Variants in ACSBG2 observed in about 807,000 individuals in gnomAD.
ACSBG2 encodes long-chain-fatty-acid--CoA ligase ACSBG2.
ACSBG2 carries 62 observed loss-of-function variants against 74.7 expected under a neutral mutation model. The observed-to-expected ratio is 0.83, with a 90% CI of 0.68 to 1.03. ACSBG2 has a LOEUF of 1.03. ACSBG2 is among the 50% of genes least tolerant of loss of function. The pLI is 0.00. For synonymous variants in ACSBG2, 309 were observed against 294.1 expected (o/e 1.05, Z -0.52); for missense variants, 730 against 817.6 (o/e 0.89, Z 1.31).
intron 8 of ACSBG2, among the ~76,000 whole-genome samples, chr19:6,181,299 G>A (rs2090246518): frequency 7.0e-6 from 1 of 143,254 alleles, no homozygotes; most frequent in South Asian, 2.3e-4. Context: ...GGGGAGGGGA[G>A]AAAGAAGGAA....
chr19:6,161,148 A>C, intron 5 of ACSBG2, 67 bp from the exon 6 acceptor site: 1 of 1,371,656 alleles, frequency 7.3e-7, no homozygotes, highest in Admixed American at 1.8e-5. Flanking sequence ...TACTTAGGAC[A>C]TCTAACCCAG....
At chr19:6,153,734 A>T (rs1490796624) in intron 4 of ACSBG2, among the ~76,000 whole-genome samples, 1 of 151,924 alleles carries the variant, frequency 6.6e-6, no homozygotes, top group African/African-American at 2.4e-5. Flanking sequence ...TGTAGTCCCA[A>T]CTACTTGGGA....
intron 8 of ACSBG2, among the ~76,000 whole-genome samples, chr19:6,178,658 A>G (rs2090156594): frequency 6.6e-6 from 1 of 152,176 alleles, no homozygotes. Context: ...TACAGGCATG[A>G]GCCACTGCAC....
intron 7 of ACSBG2, among the ~76,000 whole-genome samples, chr19:6,170,186 T>A (rs1203298867): frequency 6.6e-6 from 1 of 152,218 alleles, no homozygotes; most frequent in African/African-American, 2.4e-5. Context: ...TGCTTCCAAC[T>A]TTTCCCCTTC....
intron 5 of ACSBG2, among the ~76,000 whole-genome samples, chr19:6,158,160 A>T (rs2089486450): frequency 6.7e-6 from 1 of 150,010 alleles, no homozygotes; most frequent in African/African-American, 2.5e-5. Context: ...GGTTCACGTC[A>T]TTCTCCTGCC....
chr19:6,157,739 G>A (rs760140341), intron 5 of ACSBG2, among the ~76,000 whole-genome samples: 2 of 151,864 alleles, frequency 1.3e-5, no homozygotes, highest in Non-Finnish European at 2.9e-5. Flanking sequence ...TTAAGTAAAA[G>A]TATTAATATA....
chr19:6,159,770 C>T lies in ACSBG2; in HGVS notation c.508-1445C>T, dbSNP rs79626350. 2.0e-3 allele frequency among the ~76,000 whole-genome samples: 298 copies of T among 152,238 alleles called. 1 individual carries two copies. Among genetic ancestry groups the T allele is most frequent in the African/African-American group, 6.4e-3 (265 of 41,550 alleles). ...CTCCTCATCTTTGCCTCCAAGGCTCCGCTGATCTGGGCCTCACCATTCTTT... is the reference window on the plus strand; with the variant it reads ...CTCCTCATCTTTGCCTCCAAGGCTCTGCTGATCTGGGCCTCACCATTCTTT... On this transcript the variant is annotated intron_variant, in intron 5 of 14. Transcript: ENST00000588485.
chr19:6,141,635 G>A (rs1568214989), intron 2 of ACSBG2, 25 bp downstream of exon 2: 1 of 1,428,024 alleles, frequency 7.0e-7, no homozygotes, highest in Non-Finnish European at 9.9e-7. Context: ...AGAGTACGTG[G>A]GAGAGAGAGT....
intron 14 of ACSBG2, 54 bp downstream of exon 14, chr19:6,190,746 G>A (rs2090538031): frequency 8.6e-7 from 1 of 1,168,782 alleles, no homozygotes; most frequent in Non-Finnish European, 1.3e-6. Flanking sequence ...TCCAAGAGAG[G>A]GCTCCACTGT....
At chr19:6,179,163 T>G (rs1320976681) in intron 8 of ACSBG2, among the ~76,000 whole-genome samples, 1 of 152,224 alleles carries the variant, frequency 6.6e-6, no homozygotes. Context: ...TTCCCACTCC[T>G]GGGTTGGATC....
At chr19:6,151,599 C>T (rs2089241769) in intron 3 of ACSBG2, 108 bp from the exon 4 acceptor site, 2 of 1,079,722 alleles carry the variant, frequency 1.9e-6, no homozygotes, top group South Asian at 1.4e-5. Context: ...GTGTGAGCCA[C>T]TGCGCCTGGC....
intron 3 of ACSBG2, among the ~76,000 whole-genome samples, chr19:6,151,008 G>A (rs905035612): frequency 7.3e-5 from 11 of 151,510 alleles, no homozygotes; most frequent in Admixed American, 2.6e-4. Context: ...CAGCTACTTC[G>A]GAGGCTGAGG....
intron 2 of ACSBG2, among the ~76,000 whole-genome samples, chr19:6,147,106 A>AAAAG (rs1020740182): frequency 1.3e-5 from 2 of 152,128 alleles, no homozygotes; most frequent in African/African-American, 4.8e-5. Context: ...TCTCCAGAAA[A>AAAAG]AAAGAAAGAA....
chr19:6,156,535 T>A lies in ACSBG2; in HGVS notation c.491T>A (p.Leu164Ter), dbSNP rs890734750. 1.3e-6 allele frequency: 2 copies of A among 1,579,654 alleles called. No homozygotes were observed. Among genetic ancestry groups the A allele is most frequent in the Admixed American group, 3.6e-5 (2 of 54,828 alleles). ...TTGCTGGTTGAGAATGATCAACAGTTACAGAAAATCCTTTCGGTAAACCCC... is the reference window on the plus strand; with the variant it reads ...TTGCTGGTTGAGAATGATCAACAGTAACAGAAAATCCTTTCGGTAAACCCC... ...NILLVENDQQ[L>*]QKILSIPQSS... Residue 164 changes from leucine to a stop codon, truncating the protein, a stop_gained, in exon 5 of 15, where the codon TTA (leucine) becomes TAA (stop). Transcript: ENST00000588485. LOFTEE classifies it high-confidence loss of function.
chr19:6,147,476 A>G lies in ACSBG2; in HGVS notation c.98A>G (p.Asp33Gly), dbSNP rs781611507. ...CCCAGGCTGTGGACCACCTGTCGAG[A>G]TGGAGAAGTCCTTCTGAGGCTATCC... ...VTPRLWTTCRDGEVLLRLSKH... is the reference protein window; with the variant it reads ...VTPRLWTTCRGGEVLLRLSKH... The change falls in exon 3 of 15, where the codon GAT (aspartate) becomes GGT (glycine). Residue 33 changes from aspartate (D) to glycine (G), a missense_variant. Asp to Gly is a moderately conservative substitution (Grantham distance 94). Transcript: ENST00000588485. The G allele has an allele frequency of 6.8e-6, 11 of 1,614,180 alleles. No individual in the cohort carries two copies. The East Asian group carries it at 2.0e-4, about 29-fold the overall frequency.
chr19:6,182,079 T>G (rs1161656088), intron 8 of ACSBG2, among the ~76,000 whole-genome samples: 1 of 152,186 alleles, frequency 6.6e-6, no homozygotes, highest in Admixed American at 6.5e-5. Context: ...TTGTTCACCC[T>G]ACTTTAGAAT....
At position 6,147,694 on chromosome 19, in the gene ACSBG2, T is replaced by C. The variant is rs779423915; in HGVS notation, c.297+19T>C. 2 of 1,600,192 alleles carry C rather than the reference T, an allele frequency of 1.2e-6. No individual in the cohort carries two copies. The highest frequency in any genetic ancestry group is 1.7e-6 in the Non-Finnish European group (2 of 1,167,322). ...GATCAAGGTAAGATTCATTCATTCA[T>C]TCTCCTTTGTTCAACCATTCATTCT... On this transcript the variant is annotated intron_variant, in intron 3 of 14. Coordinates refer to ENST00000588485, the MANE Select transcript of ACSBG2 (RefSeq NM_030924.5).
At chr19:6,172,552 C>G (rs2089991363) in intron 7 of ACSBG2, among the ~76,000 whole-genome samples, 1 of 151,650 alleles carries the variant, frequency 6.6e-6, no homozygotes, top group Admixed American at 6.6e-5. Context: ...TGGCTAAGGT[C>G]TGTATGGGTT....
intron 2 of ACSBG2, among the ~76,000 whole-genome samples, chr19:6,146,124 G>T (rs940516419): frequency 4.6e-5 from 7 of 152,172 alleles, no homozygotes; most frequent in African/African-American, 1.7e-4. Flanking sequence ...ACATGCAAGG[G>T]TGTTTAAGGG....
Sources: allele counts gnomAD v4.1 joint callset (sites outside exome capture counted in the v4.1 genomes callset), GRCh38; gene constraint gnomAD v4.1.1; transcripts MANE v1.5; gene names NCBI Gene and HGNC (gene_info 2026-07-23, HGNC 2026-07-21).